VPS13B: variants seen among roughly 807,000 people sequenced by gnomAD.
VPS13B encodes intermembrane lipid transfer protein VPS13B.
Under a neutral mutation model 426.4 loss-of-function variants are expected in VPS13B, and 285 were observed. That is an observed-to-expected ratio of 0.67 (90% CI 0.61 to 0.74). The LOEUF (loss-of-function observed/expected upper bound fraction) is 0.74. Ranked by LOEUF, VPS13B falls within the 30% of genes least tolerant of loss-of-function variation. The probability of loss-of-function intolerance (pLI) is 0.00; values close to 1 mark genes in which losing one functional copy is unlikely to be tolerated. For synonymous variants in VPS13B, 1,676 were observed against 1,676.4 expected (o/e 1.00, Z 0.01); for missense variants, 4,537 against 4,782.6 (o/e 0.95, Z 1.51).
intron 39 of VPS13B, among the ~76,000 whole-genome samples, chr8:99,722,214 A>G (rs1047040268): frequency 1.3e-5 from 2 of 152,170 alleles, no homozygotes; most frequent in Non-Finnish European, 2.9e-5. Flanking sequence ...TACCAGCTCA[A>G]ATGTCATATC....
chr8:99,321,619 G>A (rs1588248622), intron 19 of VPS13B, among the ~76,000 whole-genome samples: 2 of 152,008 alleles, frequency 1.3e-5, no homozygotes, highest in Admixed American at 6.6e-5. Context: ...CCATTCTCTG[G>A]TAATTATTTC....
chr8:99,028,968 C>G (rs551042451), intron 2 of VPS13B, among the ~76,000 whole-genome samples: 22 of 149,118 alleles, frequency 1.5e-4, no homozygotes, highest in African/African-American at 4.7e-4. Context: ...GGAGGGGCTC[C>G]TCACTTCTCA....
intron 21 of VPS13B, among the ~76,000 whole-genome samples, chr8:99,419,678 A>T (rs1393050933): frequency 6.6e-6 from 1 of 152,200 alleles, no homozygotes; most frequent in Non-Finnish European, 1.5e-5. Flanking sequence ...CTTCTTGATG[A>T]CTATTAAAAT....
intron 34 of VPS13B, among the ~76,000 whole-genome samples, chr8:99,645,698 A>G (rs1829552790): frequency 6.6e-6 from 1 of 152,220 alleles, no homozygotes; most frequent in African/African-American, 2.4e-5. Flanking sequence ...TTCCTTTGAT[A>G]TTCTAGTGGA....
rs563965999 is a variant in VPS13B at position 99,577,912 on chromosome 8, C to G, written c.5220+279C>G. On this transcript the variant is annotated intron_variant, in intron 33 of 61. Transcript: ENST00000357162. ...ATAACTTTATTAGCCTGCTGAAGTT[C>G]TAAAGTATGATGCGAGAATCCTGGT... 9 of 416,592 alleles carry G rather than the reference C, an allele frequency of 2.2e-5. No homozygotes were observed. The Admixed American group carries it at 3.4e-4, about 16-fold the overall frequency. 25.8% of individuals were successfully genotyped at this position (416,592 alleles called of 1,614,324 possible). A position where few individuals can be genotyped will look rare whatever the true frequency, so the allele number is the denominator to read the frequency against.
At chr8:99,469,524 A>G (rs1180724735) in intron 24 of VPS13B, among the ~76,000 whole-genome samples, 1 of 152,100 alleles carries the variant, frequency 6.6e-6, no homozygotes, top group Non-Finnish European at 1.5e-5. Flanking sequence ...GACACTAAAT[A>G]TTTCAGTTTA....
intron 4 of VPS13B, among the ~76,000 whole-genome samples, chr8:99,097,422 C>A (rs572117616): frequency 6.6e-6 from 1 of 152,246 alleles, no homozygotes; most frequent in African/African-American, 2.4e-5. Flanking sequence ...TATGCTAGAG[C>A]AGCTCATTGA....
chr8:99,679,357 TACTA>T (rs1275958159), intron 35 of VPS13B, among the ~76,000 whole-genome samples: 1 of 152,212 alleles, frequency 6.6e-6, no homozygotes, highest in Non-Finnish European at 1.5e-5. Context: ...TTATGGTTAT[TACTA>T]AGAGGGAGGG....
chr8:99,023,203 A>C (rs970819937), intron 2 of VPS13B, among the ~76,000 whole-genome samples: 8 of 151,386 alleles, frequency 5.3e-5, no homozygotes, highest in Admixed American at 4.0e-4. Context: ...CCTGTGGTCC[A>C]GCTGTAATTT....
chr8:99,257,003 G>C (rs1427855515), intron 17 of VPS13B, among the ~76,000 whole-genome samples: 2 of 152,086 alleles, frequency 1.3e-5, no homozygotes, highest in Non-Finnish European at 2.9e-5. Context: ...CTGGTATAGA[G>C]TAGTTTCATA....
intron 17 of VPS13B, among the ~76,000 whole-genome samples, chr8:99,243,718 C>T (rs1588169000): frequency 1.3e-5 from 2 of 152,274 alleles, no homozygotes; most frequent in East Asian, 3.9e-4. Flanking sequence ...AGTGCTAGGG[C>T]CAACTGCCTT....
intron 17 of VPS13B, among the ~76,000 whole-genome samples, chr8:99,202,755 C>T (rs1294579637): frequency 6.6e-6 from 1 of 151,954 alleles, no homozygotes; most frequent in Non-Finnish European, 1.5e-5. Flanking sequence ...AAAAAATGGG[C>T]GTGGTGGCTC....
chr8:99,741,094 A>G (rs530831561), intron 39 of VPS13B, among the ~76,000 whole-genome samples: 10 of 152,352 alleles, frequency 6.6e-5, no homozygotes, highest in African/African-American at 2.2e-4. Context: ...ATGTGCAGAG[A>G]CACAGATAGG....
At chr8:99,629,144 C>T (rs1009176087) in intron 33 of VPS13B, among the ~76,000 whole-genome samples, 1 of 152,128 alleles carries the variant, frequency 6.6e-6, no homozygotes, top group Non-Finnish European at 1.5e-5. Context: ...ATAATAGAAA[C>T]TTCTTTAGTA....
intron 19 of VPS13B, among the ~76,000 whole-genome samples, chr8:99,285,428 G>A (rs895855516): frequency 2.6e-5 from 4 of 152,120 alleles, no homozygotes; most frequent in African/African-American, 7.2e-5. Context: ...GGTATTCAGA[G>A]TAAATAGTAG....
At chr8:99,788,220 C>G (rs1400237921) in intron 43 of VPS13B, among the ~76,000 whole-genome samples, 1 of 149,806 alleles carries the variant, frequency 6.7e-6, no homozygotes, top group African/African-American at 2.5e-5. Flanking sequence ...ATTTAAAAAT[C>G]TAAAAATTAA....
chr8:99,801,150 C>T (rs540107868), intron 43 of VPS13B, among the ~76,000 whole-genome samples: 2 of 152,170 alleles, frequency 1.3e-5, no homozygotes, highest in South Asian at 4.2e-4. Flanking sequence ...AGTTACTGAC[C>T]TAAGAGTTCA....
chr8:99,161,568 G>GGCCT (rs1304369182), intron 15 of VPS13B, among the ~76,000 whole-genome samples: 1 of 152,102 alleles, frequency 6.6e-6, no homozygotes, highest in Non-Finnish European at 1.5e-5. Context: ...TTGGAAAAAG[G>GGCCT]GCCTTTGCTA....
Position 99,720,928 on chromosome 8 carries a change from A to T in VPS13B, c.6931A>T (p.Met2311Leu), listed in dbSNP as rs797046095. 6.2e-7 allele frequency: 1 copy of T among 1,614,020 alleles called. No individual in the cohort carries two copies. The change falls in exon 39 of 62, where the codon ATG becomes TTG. Residue 2311 changes from methionine (M) to leucine (L), a missense_variant. Physicochemically the swap from Met to Leu is conservative, Grantham distance 15. This residue lies in a region of VPS13B where 4,311 missense variants were observed against 4,474.3 expected (regional missense o/e 0.96). Transcript: ENST00000357162. ...FYNETEDCPG[M>L]MLWRYPEPRV... ...TAATGAAACTGAAGATTGCCCAGGG[A>T]TGATGTTATGGAGATATCCAGAACC...
Sources: gnomAD v4.1 joint callset for allele counts (sites outside exome capture counted in the v4.1 genomes callset) on GRCh38, gnomAD v4.1.1 for gene constraint, gnomAD v4.1.1 regional missense constraint, MANE v1.5 for transcripts, NCBI Gene and HGNC (gene_info 2026-07-23, HGNC 2026-07-21) for gene names.